Variants in NALF1 observed in about 807,000 individuals in gnomAD.
The protein encoded by NALF1 is NALCN channel auxiliary factor 1.
In NALF1, 3 loss-of-function variants were observed where a neutral mutation model predicts 48.4. The observed-to-expected ratio is 0.06, with a 90% CI of 0.03 to 0.16. The LOEUF is 0.16. Ranked by LOEUF, NALF1 falls within the 10% of genes least tolerant of loss-of-function variation. NALF1 has a pLI of 1.00. For missense variants in NALF1, 526 were observed against 571.5 expected (o/e 0.92, Z 0.81); for synonymous variants, 262 against 245.7 (o/e 1.07, Z -0.62).
intron 1 of NALF1, among the ~76,000 whole-genome samples, chr13:107,712,470 C>G (rs1875627123): frequency 6.6e-6 from 1 of 152,162 alleles, no homozygotes; most frequent in Non-Finnish European, 1.5e-5. Context: ...CTGAATTAAA[C>G]TGAAGCCCAG....
chr13:107,365,270 A>G (rs1566496505), intron 1 of NALF1, among the ~76,000 whole-genome samples: 1 of 151,922 alleles, frequency 6.6e-6, no homozygotes, highest in Non-Finnish European at 1.5e-5. Context: ...CTGCTTTACA[A>G]CCTACTAATA....
At chr13:107,404,174 AG>A (rs1214417211) in intron 1 of NALF1, among the ~76,000 whole-genome samples, 2 of 152,090 alleles carry the variant, frequency 1.3e-5, no homozygotes, top group Non-Finnish European at 2.9e-5. Flanking sequence ...GCTTTACCCA[AG>A]GGTAGGTTTT....
chr13:107,364,924 GC>G (rs556075500), intron 1 of NALF1, among the ~76,000 whole-genome samples: 1,175 of 37,146 alleles, frequency 0.032, 35 homozygotes, highest in African/African-American at 0.12. Flanking sequence ...CCTCTCCCCT[GC>G]CCCCTCCCCC....
At chr13:107,376,846 A>C (rs1268326919) in intron 1 of NALF1, among the ~76,000 whole-genome samples, 1 of 152,216 alleles carries the variant, frequency 6.6e-6, no homozygotes, top group African/African-American at 2.4e-5. Flanking sequence ...CACAGCCCAG[A>C]AGACTGACTA....
intron 1 of NALF1, among the ~76,000 whole-genome samples, chr13:107,780,503 C>T (rs1408155797): frequency 6.9e-6 from 1 of 144,422 alleles, no homozygotes; most frequent in African/African-American, 2.5e-5. Context: ...AGAGTTTTAA[C>T]TTTTTTTTTT....
intron 1 of NALF1, among the ~76,000 whole-genome samples, chr13:107,424,788 C>G (rs546162420): frequency 6.6e-6 from 1 of 152,350 alleles, no homozygotes; most frequent in Non-Finnish European, 1.5e-5. Flanking sequence ...GTATCTACCT[C>G]CTTTCAAACC....
intron 1 of NALF1, among the ~76,000 whole-genome samples, chr13:107,370,888 T>C (rs1883237856): frequency 6.6e-6 from 1 of 152,090 alleles, no homozygotes; most frequent in Non-Finnish European, 1.5e-5. Flanking sequence ...GGAAGCCCCT[T>C]ATAAAATGAT....
rs558298356 is a variant in NALF1, at chr13:107,647,638, G to A, written c.915+218044C>T. 5.9e-5 allele frequency among the ~76,000 whole-genome samples: 9 copies of A among 152,010 alleles called. No individual in the cohort carries two copies. In the South Asian group the frequency reaches 6.2e-4, roughly 11 times the overall value. ...TACTTTAGAATTAGTAATGTCCTCCGGTGACAACTTGTATGGCCTGAACAA... is the reference window on the plus strand; with the variant it reads ...TACTTTAGAATTAGTAATGTCCTCCAGTGACAACTTGTATGGCCTGAACAA... On this transcript the variant is annotated intron_variant, in intron 1 of 2. Transcript: ENST00000375915.
intron 1 of NALF1, among the ~76,000 whole-genome samples, chr13:107,772,611 T>C (rs1877610673): frequency 6.6e-6 from 1 of 152,192 alleles, no homozygotes; most frequent in Non-Finnish European, 1.5e-5. Flanking sequence ...AAATTAGCCA[T>C]TGTGAGATTT....
intron 1 of NALF1, among the ~76,000 whole-genome samples, chr13:107,431,833 T>G (rs1230805264): frequency 1.3e-5 from 2 of 152,182 alleles, no homozygotes; most frequent in African/African-American, 4.8e-5. Flanking sequence ...GTGAATTAAC[T>G]TCTCTAAAGT....
chr13:107,498,439 G>T (rs1371607233), intron 1 of NALF1, among the ~76,000 whole-genome samples: 1 of 152,132 alleles, frequency 6.6e-6, no homozygotes, highest in South Asian at 2.1e-4. Context: ...TTAAAAAATG[G>T]CTTTGGATTC....
Position 107,273,096 on chromosome 13 carries a change from A to G in NALF1, c.916-62341T>C, listed in dbSNP as rs182329335. On this transcript the variant is annotated intron_variant, in intron 1 of 2. Transcript: ENST00000375915. ...GAGGCTGGTTATAAAACCTAGGAAG[A>G]ACGTTCTGAGCTTTCCCTGAAGCAG... is the stretch of plus-strand genomic sequence containing the variant. Among the ~76,000 whole-genome samples the G allele has an allele frequency of 5.5e-3, 844 of 152,320 alleles. 5 individuals are homozygous for G. The highest frequency in any genetic ancestry group is 0.019 in the African/African-American group (808 of 41,568).
rs1033898504 is a variant in NALF1, at chr13:107,686,418, C to T, written c.915+179264G>A. On this transcript the variant is annotated intron_variant, in intron 1 of 2. Coordinates refer to ENST00000375915, the MANE Select transcript of NALF1 (RefSeq NM_001080396.3). ...TATTATTATTGTTATTATTTTGAGA[C>T]GGAGGCTCACTCTGTCGCCAGGCTA... Among the ~76,000 whole-genome samples the T allele has an allele frequency of 9.2e-5, 14 of 151,530 alleles. No individual in the cohort carries two copies. The South Asian group carries it at 1.3e-3, about 14-fold the overall frequency.
rs180719585 is a variant in NALF1, at chr13:107,294,062, G to A, written c.916-83307C>T. ...TCCTTAACTGTGAGATAAACTTAGT[G>A]TTGGAGAAGGACTCTGCCTGCAGAT... is the stretch of plus-strand genomic sequence containing the variant. On this transcript the variant is annotated intron_variant, in intron 1 of 2. Coordinates refer to ENST00000375915, the MANE Select transcript of NALF1 (RefSeq NM_001080396.3). Among the ~76,000 whole-genome samples, 299 of 152,280 alleles carry A rather than the reference G, an allele frequency of 2.0e-3. 7 individuals are homozygous for A. The highest frequency in any genetic ancestry group is 0.013 in the Admixed American group (202 of 15,298).
chr13:107,709,454 T>C (rs537488541), intron 1 of NALF1, among the ~76,000 whole-genome samples: 1 of 152,294 alleles, frequency 6.6e-6, no homozygotes, highest in African/African-American at 2.4e-5. Context: ...CAGATCAAAC[T>C]TATCTAAAAG....
At chr13:107,338,138 C>T (rs540598999) in intron 1 of NALF1, among the ~76,000 whole-genome samples, 140 of 152,248 alleles carry the variant, frequency 9.2e-4, no homozygotes, top group African/African-American at 3.3e-3. Flanking sequence ...CAGTATAATC[C>T]TTGTATACTT....
chr13:107,357,962 T>C (rs1209838011), intron 1 of NALF1, among the ~76,000 whole-genome samples: 2 of 152,312 alleles, frequency 1.3e-5, no homozygotes, highest in African/African-American at 4.8e-5. Context: ...AGGTTGATAA[T>C]GATTTCAGTA....
intron 1 of NALF1, among the ~76,000 whole-genome samples, chr13:107,586,634 G>GCTTTTTTTTTTTTTT: frequency 1.8e-4 from 1 of 5,666 alleles, no homozygotes; most frequent in Non-Finnish European, 3.7e-4. Context: ...CCCCTATGGA[G>GCTTTTTTTTTTTTTT]ATTTTTTTTT....
intron 1 of NALF1, among the ~76,000 whole-genome samples, chr13:107,442,923 T>C (rs961193128): frequency 4.6e-5 from 7 of 152,110 alleles, no homozygotes; most frequent in Non-Finnish European, 1.0e-4. Context: ...ATTTTAAAAT[T>C]GTGTCTAAAA....
Sources: gnomAD v4.1 joint callset for allele counts (sites outside exome capture counted in the v4.1 genomes callset) on GRCh38, gnomAD v4.1.1 for gene constraint, MANE v1.5 for transcripts, NCBI Gene and HGNC (gene_info 2026-07-23, HGNC 2026-07-21) for gene names.